The following STARD13 variants were observed in gnomAD, a reference collection of about 807,000 sequenced individuals.
STARD13 encodes stAR-related lipid transfer protein 13.
A neutral mutation model predicts 106.4 loss-of-function variants in STARD13; 62 were observed. The ratio of observed to expected loss-of-function variants is 0.58; its 90% confidence interval spans 0.48 to 0.72. The LOEUF is 0.72. Ranked by LOEUF, STARD13 falls within the 30% of genes least tolerant of loss-of-function variation. STARD13 has a pLI of 0.00. For synonymous variants in STARD13, 565 were observed against 553.0 expected (o/e 1.02, Z -0.31); for missense variants, 1,387 against 1,424.0 (o/e 0.97, Z 0.42).
At chr13:33,672,112 C>T in the STARD13 span, among the ~76,000 whole-genome samples, 2 of 152,154 alleles carry the variant, frequency 1.3e-5, no homozygotes, top group Non-Finnish European at 2.9e-5. Context: ...GACTTGGAAC[C>T]AACCCAAATG....
chr13:33,124,170 C>A (rs1048775843), intron 7 of STARD13, among the ~76,000 whole-genome samples: 2 of 152,164 alleles, frequency 1.3e-5, no homozygotes, highest in Non-Finnish European at 2.9e-5. Flanking sequence ...TTCTCTAGTT[C>A]TCCCCTTTTC....
chr13:33,303,793 G>T (rs1892805695), intron 1 of STARD13, among the ~76,000 whole-genome samples: 3 of 152,190 alleles, frequency 2.0e-5, no homozygotes, highest in Admixed American at 1.3e-4. Flanking sequence ...ACCTTCTGTA[G>T]TTGAACCATC....
the STARD13 span, among the ~76,000 whole-genome samples, chr13:33,412,294 G>A: frequency 6.6e-6 from 1 of 152,112 alleles, no homozygotes; most frequent in Non-Finnish European, 1.5e-5. Context: ...GAAATATGGT[G>A]TCATGTCTAG....
chr13:33,604,007 C>T, the STARD13 span, among the ~76,000 whole-genome samples: 1 of 151,968 alleles, frequency 6.6e-6, no homozygotes, highest in African/African-American at 2.4e-5. Context: ...GACACTCTTA[C>T]AATTAAGTAG....
At chr13:33,350,507 C>G in exon 1 of STARD13, 1 of 1,453,370 alleles carries the variant, frequency 6.9e-7, no homozygotes, top group Non-Finnish European at 9.1e-7. Flanking sequence ...AGGACGGACG[C>G]GGCACTCCCG....
chr13:33,138,128 T>C (rs898998926), intron 4 of STARD13, among the ~76,000 whole-genome samples: 10 of 152,260 alleles, frequency 6.6e-5, no homozygotes, highest in African/African-American at 2.4e-4. Flanking sequence ...GCTCTTTCTC[T>C]CTTGAGACAT....
intron 1 of STARD13, among the ~76,000 whole-genome samples, chr13:33,302,958 G>A (rs1892774600): frequency 6.6e-6 from 1 of 152,094 alleles, no homozygotes; most frequent in African/African-American, 2.4e-5. Context: ...GGCATTAAAG[G>A]CCCATCATGG....
At chr13:33,385,864 CAA>C in the STARD13 span, among the ~76,000 whole-genome samples, 121 of 124,040 alleles carry the variant, frequency 9.8e-4, no homozygotes, top group African/African-American at 3.3e-3. Flanking sequence ...AAAAAAAAAA[CAA>C]AAAAAAAAAA....
At chr13:33,421,772 G>C in the STARD13 span, among the ~76,000 whole-genome samples, 4 of 152,162 alleles carry the variant, frequency 2.6e-5, no homozygotes, top group Admixed American at 2.0e-4. Context: ...TCATCCCTGG[G>C]ATGCAAGGCT....
At chr13:33,266,475 A>C (rs936433022) in intron 1 of STARD13, among the ~76,000 whole-genome samples, 2 of 152,174 alleles carry the variant, frequency 1.3e-5, no homozygotes, top group Non-Finnish European at 2.9e-5. Context: ...ATAAATTTCA[A>C]ACTCACTGCA....
intron 4 of STARD13, among the ~76,000 whole-genome samples, chr13:33,139,033 TCAGC>T (rs949975283): frequency 6.6e-6 from 1 of 152,150 alleles, no homozygotes; most frequent in Non-Finnish European, 1.5e-5. Flanking sequence ...CTTCCTTGTG[TCAGC>T]CCACCAAAAT....
the STARD13 span, among the ~76,000 whole-genome samples, chr13:33,651,316 C>T: frequency 2.0e-5 from 3 of 152,252 alleles, no homozygotes; most frequent in Non-Finnish European, 2.9e-5. Context: ...TGAAAATGTA[C>T]GCACTACAGG....
chr13:33,438,854 C>T, the STARD13 span, among the ~76,000 whole-genome samples: 3 of 152,238 alleles, frequency 2.0e-5, no homozygotes, highest in South Asian at 6.2e-4. Context: ...ATAATGCTGG[C>T]ACCAATGCAG....
the STARD13 span, among the ~76,000 whole-genome samples, chr13:33,606,721 A>G: frequency 2.6e-5 from 4 of 152,254 alleles, no homozygotes; most frequent in Non-Finnish European, 5.9e-5. Flanking sequence ...GCTTAAAATA[A>G]CACAAATGTC....
chr13:33,156,779 A>G (rs971427271), intron 3 of STARD13, among the ~76,000 whole-genome samples: 4 of 152,212 alleles, frequency 2.6e-5, no homozygotes, highest in Non-Finnish European at 4.4e-5. Flanking sequence ...ACTTAAATGC[A>G]GTGCCTGGTA....
At chr13:33,588,175 C>A in the STARD13 span, among the ~76,000 whole-genome samples, 1 of 152,142 alleles carries the variant, frequency 6.6e-6, no homozygotes, top group Admixed American at 6.5e-5. Context: ...GTATCTCATT[C>A]CTCATTGTGT....
chr13:33,594,604 C>T, the STARD13 span, among the ~76,000 whole-genome samples: 1 of 152,258 alleles, frequency 6.6e-6, no homozygotes, highest in African/African-American at 2.4e-5. Flanking sequence ...GTGCAATCAT[C>T]ACCATCATCC....
At chr13:33,380,484 C>T in the STARD13 span, among the ~76,000 whole-genome samples, 1 of 134,670 alleles carries the variant, frequency 7.4e-6, no homozygotes, top group South Asian at 2.6e-4. Flanking sequence ...CCCCACCCCC[C>T]CCACACACAA....
the STARD13 span, among the ~76,000 whole-genome samples, chr13:33,466,964 T>G: frequency 2.0e-5 from 3 of 151,900 alleles, no homozygotes; most frequent in Admixed American, 2.0e-4. Flanking sequence ...TAATATCAAA[T>G]AAAAATCAAT....
Sources: gnomAD v4.1 joint callset for allele counts (sites outside exome capture counted in the v4.1 genomes callset) on GRCh38, gnomAD v4.1.1 for gene constraint, MANE v1.5 for transcripts, NCBI Gene and HGNC (gene_info 2026-07-23, HGNC 2026-07-21) for gene names.